GLYATL2: variants seen among roughly 807,000 people sequenced by gnomAD.
GLYATL2 encodes the protein glycine-N-acyltransferase like 2, also known as glycine N-acyltransferase-like protein 2.
Under a neutral mutation model 21.4 loss-of-function variants are expected in GLYATL2, and 25 were observed. The ratio of observed to expected loss-of-function variants is 1.17; its 90% CI spans 0.85 to 1.63. The LOEUF (loss-of-function observed/expected upper bound fraction) is 1.63. Among genes scored for constraint, GLYATL2 ranks in the 40% most tolerant of loss-of-function variants. The pLI, the probability that GLYATL2 is intolerant of heterozygous loss-of-function variation, is 0.00. For missense variants in GLYATL2, 361 were observed against 343.3 expected (o/e 1.05, Z -0.41); for synonymous variants, 114 against 118.2 (o/e 0.96, Z 0.23).
At chr11:58,902,476 C>A (rs1854757121) in intron 1 of GLYATL2, among the ~76,000 whole-genome samples, 2 of 152,182 alleles carry the variant, frequency 1.3e-5, no homozygotes. Flanking sequence ...GTGGTGCCTT[C>A]CTCTGTATTC....
Position 58,886,454 on chromosome 11 carries a change from G to A in GLYATL2, n.60+17702C>T, listed in dbSNP as rs539509980. Among the ~76,000 whole-genome samples, 10 of 152,272 alleles carry A rather than the reference G, an allele frequency of 6.6e-5. No homozygotes were observed. The East Asian group carries it at 1.9e-3, about 29-fold the overall frequency. On this transcript the variant is annotated intron_variant and non_coding_transcript_variant, in intron 1 of 4. Transcript: ENST00000533636. Reference sequence around the variant, plus strand: ...TGTCCAATCTGAATTCAAGTTCATTGCACTCTGCCAGTTTTATTAGCTATA... The same window carrying A: ...TGTCCAATCTGAATTCAAGTTCATTACACTCTGCCAGTTTTATTAGCTATA...
chr11:58,869,065 G>C (rs1000621711), intron 1 of GLYATL2, among the ~76,000 whole-genome samples: 1 of 128,424 alleles, frequency 7.8e-6, no homozygotes, highest in Non-Finnish European at 1.8e-5. Context: ...GAGAAATTCT[G>C]TAGGAATTTT....
intron 5 of GLYATL2, 96 bp from the exon 6 acceptor site, chr11:58,834,933 C>T: frequency 2.2e-6 from 2 of 893,742 alleles, no homozygotes; most frequent in Non-Finnish European, 3.4e-6. Flanking sequence ...CCTTAAGGAC[C>T]CTACAGCCTG....
At chr11:58,904,906 C>A (rs1854824776), upstream of GLYATL2, among the ~76,000 whole-genome samples, 1 of 152,172 alleles carries the variant, frequency 6.6e-6, no homozygotes, top group Non-Finnish European at 1.5e-5. Flanking sequence ...CTTCTTTGAC[C>A]AACTTCTCAA....
At chr11:58,898,788 G>A (rs61892582) in intron 1 of GLYATL2, among the ~76,000 whole-genome samples, 20,304 of 151,772 alleles carry the variant, frequency 0.13, 1,490 homozygotes, top group African/African-American at 0.18. Context: ...AGCCGAGATC[G>A]CGCCACTGCA....
intron 1 of GLYATL2, among the ~76,000 whole-genome samples, chr11:58,872,836 C>A (rs1371967394): frequency 6.6e-6 from 1 of 152,174 alleles, no homozygotes; most frequent in East Asian, 1.9e-4. Flanking sequence ...TCATTGGTAG[C>A]TTGATAGGGA....
intron 1 of GLYATL2, among the ~76,000 whole-genome samples, chr11:58,872,656 G>A (rs998985306): frequency 1.3e-5 from 2 of 152,186 alleles, no homozygotes; most frequent in Non-Finnish European, 2.9e-5. Flanking sequence ...CTCTGTTTTG[G>A]TGCCAGCACC....
At chr11:58,896,105 G>A (rs140490905) in intron 1 of GLYATL2, among the ~76,000 whole-genome samples, 197 of 152,132 alleles carry the variant, frequency 1.3e-3, no homozygotes, top group African/African-American at 4.3e-3. Flanking sequence ...TCCACCCTCC[G>A]CGGCCTCCGA....
chr11:58,844,271 G>T (rs1853603612), intron 1 of GLYATL2, among the ~76,000 whole-genome samples, 163 bp downstream of exon 1: 1 of 152,110 alleles, frequency 6.6e-6, no homozygotes, highest in African/African-American at 2.4e-5. Flanking sequence ...GTACCTAAAA[G>T]GTTTTGAAGA....
rs1028411815 is a variant in GLYATL2, at chr11:58,844,591, G to A, written c.-198C>T. ...TAAGCATAAAGCTTCAGGAAGTTAT[G>A]GGTTCCTGTAGATTAAACCAGACGT... On this transcript the variant is annotated 5_prime_UTR_variant, in exon 1 of 6. Coordinates refer to ENST00000287275, the MANE Select transcript of GLYATL2 (RefSeq NM_145016.4). 8 of 152,152 alleles carry A rather than the reference G, an allele frequency of 5.3e-5. No individual in the cohort carries two copies. Among genetic ancestry groups the A allele is most frequent in the African/African-American group, 1.7e-4 (7 of 41,432 alleles). The allele number at this position is 152,152 out of a possible 1,614,324, so 9.4% of individuals were successfully genotyped here.
intron 1 of GLYATL2, among the ~76,000 whole-genome samples, chr11:58,880,279 GA>G (rs1310665396): frequency 6.6e-6 from 1 of 152,162 alleles, no homozygotes; most frequent in African/African-American, 2.4e-5. Context: ...GTAGATGTTA[GA>G]AGCTGAGGCC....
intron 1 of GLYATL2, among the ~76,000 whole-genome samples, chr11:58,841,092 A>G (rs1218892933): frequency 6.6e-6 from 1 of 152,152 alleles, no homozygotes; most frequent in Non-Finnish European, 1.5e-5. Context: ...AAGACAATAT[A>G]TAAGAATGGC....
upstream of GLYATL2, among the ~76,000 whole-genome samples, chr11:58,905,053 C>A (rs528056660): frequency 6.6e-6 from 1 of 152,352 alleles, no homozygotes; most frequent in Non-Finnish European, 1.5e-5. Flanking sequence ...AGATACCCAA[C>A]TCTGGAGTCT....
chr11:58,904,425 C>T (rs1590760734), upstream of GLYATL2, among the ~76,000 whole-genome samples: 1 of 152,186 alleles, frequency 6.6e-6, no homozygotes, highest in Admixed American at 6.5e-5. Flanking sequence ...CTAAGGAGCA[C>T]TTTTTTCCAG....
chr11:58,853,852 C>CATAAAATAGT (rs1227323098), intron 1 of GLYATL2, among the ~76,000 whole-genome samples: 1 of 152,044 alleles, frequency 6.6e-6, no homozygotes, highest in African/African-American at 2.4e-5. Flanking sequence ...TAACAATTTT[C>CATAAAATAGT]ATAAAATAGT....
At chr11:58,893,403 G>T in intron 1 of GLYATL2, 1 of 233,102 alleles carries the variant, frequency 4.3e-6, no homozygotes, top group South Asian at 8.8e-5. Flanking sequence ...GTTCCTTTGT[G>T]GCCACCTGTG....
intron 1 of GLYATL2, among the ~76,000 whole-genome samples, chr11:58,887,031 T>C (rs553567128): frequency 1.3e-5 from 2 of 152,356 alleles, no homozygotes; most frequent in African/African-American, 4.8e-5. Flanking sequence ...TAATCCATGG[T>C]CCAATTTCTT....
chr11:58,877,413 C>T (rs1405036514), intron 1 of GLYATL2, among the ~76,000 whole-genome samples: 4 of 152,162 alleles, frequency 2.6e-5, no homozygotes, highest in Admixed American at 2.6e-4. Context: ...GCCATCTTGG[C>T]TCCACTCCCT....
chr11:58,861,668 T>C (rs1853934562), intron 1 of GLYATL2, among the ~76,000 whole-genome samples: 1 of 152,004 alleles, frequency 6.6e-6, no homozygotes, highest in African/African-American at 2.4e-5. Flanking sequence ...TTAAGATCTT[T>C]CTTTTTTTTC....
Sources: gnomAD v4.1 joint callset for allele counts (sites outside exome capture counted in the v4.1 genomes callset) on GRCh38, gnomAD v4.1.1 for gene constraint, MANE v1.5 for transcripts, NCBI Gene and HGNC (gene_info 2026-07-23, HGNC 2026-07-21) for gene names.